The following ARHGAP15 variants were observed in gnomAD, a reference collection of about 807,000 sequenced individuals.
The protein encoded by ARHGAP15 is rho GTPase-activating protein 15.
Under a neutral mutation model 63.7 loss-of-function variants are expected in ARHGAP15, and 51 were observed. The observed-to-expected ratio is 0.80, with a 90% CI of 0.64 to 1.01. The LOEUF (loss-of-function observed/expected upper bound fraction) is 1.01. Ranked by LOEUF, ARHGAP15 falls within the 50% of genes least tolerant of loss-of-function variation. ARHGAP15 has a pLI of 0.00. For missense variants in ARHGAP15, 560 were observed against 564.6 expected, an observed-to-expected ratio of 0.99 and a Z score of 0.08; for synonymous variants, 191 against 193.8, an observed-to-expected ratio of 0.99 and a Z score of 0.12.
At chr2:143,336,250 T>C (rs1191359356) in intron 6 of ARHGAP15, among the ~76,000 whole-genome samples, 1 of 152,058 alleles carries the variant, frequency 6.6e-6, no homozygotes, top group Non-Finnish European at 1.5e-5. Flanking sequence ...TGCCACAAAC[T>C]TGGATGTTTT....
chr2:143,686,053 C>CTTGA (rs1352904355), intron 12 of ARHGAP15, among the ~76,000 whole-genome samples: 1 of 152,096 alleles, frequency 6.6e-6, no homozygotes, highest in South Asian at 2.1e-4. Flanking sequence ...AGGTCCATTG[C>CTTGA]TTGATTGTAT....
intron 11 of ARHGAP15, among the ~76,000 whole-genome samples, chr2:143,568,853 G>A (rs1696338646): frequency 6.6e-6 from 1 of 152,172 alleles, no homozygotes; most frequent in Non-Finnish European, 1.5e-5. Context: ...ATGAATTCAT[G>A]TCCTTTGCAG....
At chr2:143,545,100 T>C (rs937354428) in intron 10 of ARHGAP15, among the ~76,000 whole-genome samples, 1 of 152,216 alleles carries the variant, frequency 6.6e-6, no homozygotes, top group African/African-American at 2.4e-5. Context: ...ACTTTGCTGA[T>C]GGTTAGTATA....
intron 6 of ARHGAP15, among the ~76,000 whole-genome samples, chr2:143,346,513 A>G (rs913099251): frequency 6.6e-6 from 1 of 152,218 alleles, no homozygotes; most frequent in African/African-American, 2.4e-5. Context: ...AGCCAAAAAT[A>G]AGTGCATTTT....
chr2:143,374,462 C>T (rs1403385916), intron 6 of ARHGAP15, among the ~76,000 whole-genome samples: 1 of 151,974 alleles, frequency 6.6e-6, no homozygotes, highest in Non-Finnish European at 1.5e-5. Flanking sequence ...TGTCAGCACT[C>T]GTAAATCCAC....
At position 143,328,439 on chromosome 2, in the gene ARHGAP15, G is replaced by C. The variant is rs367783527; in HGVS notation, c.474+77839G>C. Among the ~76,000 whole-genome samples, 24 of 152,214 alleles carry C rather than the reference G, an allele frequency of 1.6e-4. 1 individual carries two copies. The South Asian group carries it at 2.5e-3, about 16-fold the overall frequency. ...AAAAGGAGTTCATGTCCTCTGCAGG[G>C]ACATGGATGAAGCTGGAAACCATCA... On this transcript the variant is annotated intron_variant, in intron 6 of 13. Transcript: ENST00000295095.
chr2:143,538,262 G>C (rs1694872852), intron 10 of ARHGAP15, among the ~76,000 whole-genome samples: 1 of 152,184 alleles, frequency 6.6e-6, no homozygotes. Flanking sequence ...TTGCTTATCA[G>C]CTTAAGGAGA....
chr2:143,391,110 C>T (rs957310571), intron 6 of ARHGAP15, among the ~76,000 whole-genome samples: 1 of 152,182 alleles, frequency 6.6e-6, no homozygotes, highest in Non-Finnish European at 1.5e-5. Flanking sequence ...CTGGAAACCC[C>T]TGTGACTGTG....
At chr2:143,296,810 G>C (rs1001833798) in intron 6 of ARHGAP15, among the ~76,000 whole-genome samples, 1 of 151,796 alleles carries the variant, frequency 6.6e-6, no homozygotes, top group African/African-American at 2.4e-5. Context: ...TATTCTTCCT[G>C]ATCTTCTCCC....
chr2:143,580,995 T>C (rs1010251356), intron 11 of ARHGAP15, among the ~76,000 whole-genome samples: 5 of 152,202 alleles, frequency 3.3e-5, no homozygotes, highest in African/African-American at 1.2e-4. Flanking sequence ...AGTAGTATCT[T>C]GTGATCATCA....
intron 1 of ARHGAP15, among the ~76,000 whole-genome samples, chr2:143,142,285 C>T (rs1470177850): frequency 6.6e-6 from 1 of 151,976 alleles, no homozygotes; most frequent in Non-Finnish European, 1.5e-5. Flanking sequence ...AACTGGAGTC[C>T]TCCAAATAAC....
At chr2:143,220,921 T>C (rs554102691) in intron 4 of ARHGAP15, among the ~76,000 whole-genome samples, 130 of 152,290 alleles carry the variant, frequency 8.5e-4, no homozygotes, top group African/African-American at 2.8e-3. Flanking sequence ...TATTGCTTCC[T>C]ATTGTATAAA....
chr2:143,569,818 A>G (rs76089665), intron 11 of ARHGAP15, among the ~76,000 whole-genome samples: 3,412 of 152,316 alleles, frequency 0.022, 133 homozygotes, highest in African/African-American at 0.077. Context: ...TAGCACAGTC[A>G]AGCTATAATA....
chr2:143,529,677 C>A (rs2105011572), intron 10 of ARHGAP15, among the ~76,000 whole-genome samples: 1 of 152,238 alleles, frequency 6.6e-6, no homozygotes, highest in East Asian at 1.9e-4. Context: ...CTTTCCCATG[C>A]TTTTCTTTCT....
At chr2:143,445,564 GT>G (rs58161091) in intron 8 of ARHGAP15, among the ~76,000 whole-genome samples, 17,086 of 151,798 alleles carry the variant, frequency 0.11, 1,348 homozygotes, top group African/African-American at 0.23. Flanking sequence ...CCCTTCTCCA[GT>G]TTTTTTTCAT....
At chr2:143,153,840 T>TCCTCCTCCTCC (rs1553440925) in intron 1 of ARHGAP15, among the ~76,000 whole-genome samples, 1,908 of 78,092 alleles carry the variant, frequency 0.024, 164 homozygotes, top group Non-Finnish European at 0.035. Flanking sequence ...CTTCTTCTTC[T>TCCTCCTCCTCC]TCTTCCTCCT....
intron 10 of ARHGAP15, among the ~76,000 whole-genome samples, chr2:143,545,089 G>T (rs1695271818): frequency 6.6e-6 from 1 of 152,190 alleles, no homozygotes; most frequent in South Asian, 2.1e-4. Context: ...ATCTAAATAG[G>T]ACTTTGCTGA....
intron 6 of ARHGAP15, among the ~76,000 whole-genome samples, chr2:143,296,883 A>C (rs1420486498): frequency 6.6e-6 from 1 of 151,848 alleles, no homozygotes. Flanking sequence ...AGTTCTTATC[A>C]TTTAGCTCCC....
intron 6 of ARHGAP15, among the ~76,000 whole-genome samples, chr2:143,341,715 G>A (rs1227492949): frequency 6.6e-6 from 1 of 151,898 alleles, no homozygotes; most frequent in Non-Finnish European, 1.5e-5. Flanking sequence ...CATATAGAAT[G>A]TCTCCCAATG....
Sources: allele counts gnomAD v4.1 joint callset (sites outside exome capture counted in the v4.1 genomes callset), GRCh38; gene constraint gnomAD v4.1.1; transcripts MANE v1.5; gene names NCBI Gene and HGNC (gene_info 2026-07-23, HGNC 2026-07-21).